The following RPS6KA6 variants were observed in gnomAD, a reference collection of about 807,000 sequenced individuals.
The protein encoded by RPS6KA6 is ribosomal protein S6 kinase A6.
RPS6KA6 carries 27 observed loss-of-function variants against 65.4 expected under a neutral mutation model. The observed-to-expected ratio is 0.41, with a 90% confidence interval of 0.30 to 0.57. RPS6KA6 has a LOEUF of 0.57. Among genes scored for constraint, RPS6KA6 ranks in the 20% least tolerant of loss-of-function variants. The pLI is 0.24. For synonymous variants in RPS6KA6, 190 were observed against 184.2 expected (o/e 1.03, Z -0.26); for missense variants, 486 against 555.6 (o/e 0.87, Z 1.26).
chrX:84,127,389 T>C (rs954166175), intron 8 of RPS6KA6, among the ~76,000 whole-genome samples: 7 of 110,959 alleles, frequency 6.3e-5, no homozygotes, highest in Non-Finnish European at 1.3e-4. Context: ...CCTCCAAACA[T>C]TTAAAGAAGA....
At chrX:84,075,454 G>A (rs754415062) in intron 20 of RPS6KA6, among the ~76,000 whole-genome samples, 11 of 110,994 alleles carry the variant, frequency 9.9e-5, no homozygotes, top group Admixed American at 8.7e-4. Flanking sequence ...AAGAAAATTG[G>A]GAGCAGAAAA....
intron 3 of RPS6KA6, among the ~76,000 whole-genome samples, chrX:84,153,459 A>G (rs2035364398): frequency 9.0e-6 from 1 of 111,643 alleles, no homozygotes; most frequent in South Asian, 3.7e-4. Flanking sequence ...TGGTGTGCTT[A>G]GGACAGAATT....
At position 84,106,472 on chromosome X, in the gene RPS6KA6, C is replaced by A; in HGVS notation, c.1258G>T (p.Ala420Ser). The A allele has an allele frequency of 8.8e-7, 1 of 1,134,894 alleles. No homozygotes were observed. Among genetic ancestry groups the A allele is most frequent in the Non-Finnish European group, 1.2e-6 (1 of 836,845 alleles). The allele number at this position is 1,134,894 out of a possible 1,213,427, so 93.5% of individuals were successfully genotyped here. The change falls in exon 15 of 22, where the codon GCA (alanine) becomes TCA (serine). Residue 420 changes from alanine to serine, a missense_variant. Physicochemically the swap from Ala to Ser is moderately conservative, Grantham distance 99. Around this residue, in one of 3 missense-constraint regions of RPS6KA6, gnomAD observed 345 missense variants for 375.0 expected, o/e 0.92. Coordinates refer to ENST00000262752, the MANE Select transcript of RPS6KA6 (RefSeq NM_014496.5). ...LPIVQINGNA[A>S]QFGEVYELKE... ...AATTCATATACTTCACCAAATTGTG[C>A]AGCATTTCCATTTATCTGTTTATTT...
chrX:84,166,751 G>T (rs2035602077), intron 1 of RPS6KA6, among the ~76,000 whole-genome samples: 1 of 111,462 alleles, frequency 9.0e-6, no homozygotes, highest in African/African-American at 3.3e-5. Flanking sequence ...CTAATGGTTG[G>T]TTGGGGTGAG....
intron 8 of RPS6KA6, among the ~76,000 whole-genome samples, chrX:84,120,884 C>A (rs966635713): frequency 5.4e-5 from 6 of 111,839 alleles, no homozygotes; most frequent in Non-Finnish European, 1.1e-4. Context: ...AACAGTTGGA[C>A]TTACACTACA....
chrX:84,115,478 G>A lies in RPS6KA6; in HGVS notation c.1008+751C>T, dbSNP rs762880239. On this transcript the variant is annotated intron_variant, in intron 12 of 21. Coordinates refer to ENST00000262752, the MANE Select transcript of RPS6KA6 (RefSeq NM_014496.5). Reference sequence around the variant, plus strand: ...AACAGATGTTGGCATGGATGTGGGAGAAAACAGGTACACTTATACACTGTT... The same window carrying A: ...AACAGATGTTGGCATGGATGTGGGAAAAAACAGGTACACTTATACACTGTT... 1.9e-3 allele frequency among the ~76,000 whole-genome samples: 211 copies of A among 111,864 alleles called. 2 individuals are homozygous for A. The highest frequency in any genetic ancestry group is 6.6e-3 in the African/African-American group (203 of 30,852).
intron 12 of RPS6KA6, among the ~76,000 whole-genome samples, chrX:84,115,892 C>T (rs768822670): frequency 1.8e-5 from 2 of 111,102 alleles, no homozygotes; most frequent in Admixed American, 1.9e-4. Context: ...GTGGGAGCTA[C>T]ACAATGGATA....
chrX:84,102,793 A>G (rs1455643650), intron 17 of RPS6KA6, among the ~76,000 whole-genome samples: 2 of 110,527 alleles, frequency 1.8e-5, no homozygotes, highest in Non-Finnish European at 3.8e-5. Context: ...TGCAATCCCT[A>G]TGGTACACAG....
chrX:84,098,281 C>A (rs186166952), intron 18 of RPS6KA6, among the ~76,000 whole-genome samples: 7 of 111,138 alleles, frequency 6.3e-5, no homozygotes, highest in Admixed American at 5.8e-4. Context: ...CTCTTTACTA[C>A]ACAAGATATG....
At chrX:84,102,281 C>G in intron 17 of RPS6KA6, 83 bp from the exon 18 acceptor site, 3 of 518,382 alleles carry the variant, frequency 5.8e-6, no homozygotes, top group Non-Finnish European at 8.2e-6. Flanking sequence ...ATATAATTAA[C>G]TAAATATCTG....
chrX:84,187,696 C>G, intron 1 of RPS6KA6, 123 bp downstream of exon 1: 2 of 644,742 alleles, frequency 3.1e-6, no homozygotes, highest in Non-Finnish European at 2.3e-6. Flanking sequence ...GAGGCAGCAT[C>G]AAGGGGGCTT....
chrX:84,138,776 G>C, intron 6 of RPS6KA6, among the ~76,000 whole-genome samples: 1 of 96,720 alleles, frequency 1.0e-5, no homozygotes, highest in South Asian at 5.6e-4. Flanking sequence ...CACAGCTTAA[G>C]AGTTCTGTTT....
chrX:84,075,038 G>A (rs2033633368), intron 20 of RPS6KA6, among the ~76,000 whole-genome samples: 1 of 111,457 alleles, frequency 9.0e-6, no homozygotes, highest in Non-Finnish European at 1.9e-5. Context: ...CTCGAGACCA[G>A]CCTGGCCAAC....
intron 6 of RPS6KA6, among the ~76,000 whole-genome samples, chrX:84,139,159 T>A (rs767261229): frequency 8.9e-6 from 1 of 112,023 alleles, no homozygotes; most frequent in South Asian, 3.7e-4. Context: ...TATTCCAGAC[T>A]TAGGAATCAA....
At chrX:84,187,172 T>C (rs1185542039) in intron 1 of RPS6KA6, among the ~76,000 whole-genome samples, 1 of 110,528 alleles carries the variant, frequency 9.0e-6, no homozygotes, top group Non-Finnish European at 1.9e-5. Context: ...GGAGCAAGAG[T>C]GCAGTAGAAT....
chrX:84,109,537 G>A (rs1320985661), intron 12 of RPS6KA6, among the ~76,000 whole-genome samples: 1 of 111,170 alleles, frequency 9.0e-6, no homozygotes, highest in Non-Finnish European at 1.9e-5. Context: ...AGCATTCTGT[G>A]GGCGCTCCCG....
chrX:84,164,091 A>G (rs1390602787), intron 2 of RPS6KA6, among the ~76,000 whole-genome samples: 2 of 112,261 alleles, frequency 1.8e-5, no homozygotes, highest in Middle Eastern at 4.3e-3. Flanking sequence ...GGGTGAATTC[A>G]ATAGCATGTA....
chrX:84,131,829 T>C (rs1026326392), intron 8 of RPS6KA6, among the ~76,000 whole-genome samples: 1 of 111,531 alleles, frequency 9.0e-6, no homozygotes, highest in Non-Finnish European at 1.9e-5. Context: ...AGGGTTATTT[T>C]GGGGGGTAGG....
At chrX:84,084,082 AAGTTCCT>A (rs778241648) in intron 20 of RPS6KA6, among the ~76,000 whole-genome samples, 41 of 112,192 alleles carry the variant, frequency 3.7e-4, no homozygotes, top group Non-Finnish European at 6.6e-4. Flanking sequence ...AAATTTGTTT[AAGTTCCT>A]TGCAGATTGT....
Sources: gnomAD v4.1 joint callset for allele counts (sites outside exome capture counted in the v4.1 genomes callset) on GRCh38, gnomAD v4.1.1 for gene constraint, gnomAD v4.1.1 regional missense constraint, MANE v1.5 for transcripts, NCBI Gene and HGNC (gene_info 2026-07-23, HGNC 2026-07-21) for gene names.